The following NFIB variants were observed in gnomAD, a reference collection of about 807,000 sequenced individuals.
NFIB encodes the protein nuclear factor 1 B-type.
Under a neutral mutation model 61.5 loss-of-function variants are expected in NFIB, and 11 were observed. The ratio of observed to expected loss-of-function variants is 0.18; its 90% CI spans 0.11 to 0.30. The LOEUF is 0.30. Among genes scored for constraint, NFIB ranks in the 10% least tolerant of loss-of-function variants. The pLI, the probability that NFIB is intolerant of heterozygous loss-of-function variation, is 1.00. For synonymous variants in NFIB, 260 were observed against 216.5 expected, an observed-to-expected ratio of 1.20 and a Z score of -1.76; for missense variants, 471 against 608.9, an observed-to-expected ratio of 0.77 and a Z score of 2.38.
chr9:14,361,679 A>C (rs893012836), intron 1 of NFIB: 9 of 152,234 alleles, frequency 5.9e-5, no homozygotes, highest in African/African-American at 1.9e-4. Context: ...ATCTTTTGGA[A>C]GATTAGGATC....
intron 2 of NFIB, among the ~76,000 whole-genome samples, chr9:14,273,834 G>A (rs940395468): frequency 5.3e-5 from 8 of 152,132 alleles, no homozygotes; most frequent in African/African-American, 1.9e-4. Flanking sequence ...AAGCTGAGCT[G>A]CAAAGGAAAA....
intron 2 of NFIB, among the ~76,000 whole-genome samples, chr9:14,273,210 T>C (rs953311995): frequency 6.6e-6 from 1 of 152,166 alleles, no homozygotes; most frequent in Non-Finnish European, 1.5e-5. Context: ...TTTCCGTCTC[T>C]TTCCCCCTCA....
At chr9:14,384,536 CA>C (rs1252603033) in intron 1 of NFIB, among the ~76,000 whole-genome samples, 1 of 151,974 alleles carries the variant, frequency 6.6e-6, no homozygotes, top group Non-Finnish European at 1.5e-5. Context: ...TTCCTCCTCT[CA>C]AAAAAAGAAC....
At chr9:14,155,089 A>G (rs969160271) in intron 4 of NFIB, among the ~76,000 whole-genome samples, 9 of 152,188 alleles carry the variant, frequency 5.9e-5, no homozygotes, top group Admixed American at 3.9e-4. Flanking sequence ...TAAATAAGCT[A>G]AATCAGTGAA....
chr9:14,407,941 C>T, the NFIB span, among the ~76,000 whole-genome samples: 1 of 152,164 alleles, frequency 6.6e-6, no homozygotes, highest in South Asian at 2.1e-4. Flanking sequence ...CCCATCCTTG[C>T]CTCTCAAAGC....
chr9:14,341,322 C>T (rs2060947276), intron 1 of NFIB, among the ~76,000 whole-genome samples: 3 of 152,120 alleles, frequency 2.0e-5, no homozygotes, highest in Admixed American at 2.0e-4. Flanking sequence ...TTGAAATCTG[C>T]AATGAGAAGG....
intron 2 of NFIB, among the ~76,000 whole-genome samples, chr9:14,192,308 A>G (rs2048031929): frequency 6.6e-6 from 1 of 152,238 alleles, no homozygotes; most frequent in Non-Finnish European, 1.5e-5. Flanking sequence ...TTAAAAAATT[A>G]GTAACTCAAC....
chr9:14,516,203 G>A, the NFIB span, among the ~76,000 whole-genome samples: 1 of 152,210 alleles, frequency 6.6e-6, no homozygotes, highest in African/African-American at 2.4e-5. Context: ...ACTGGCCCTG[G>A]AAATTGCAAA....
At chr9:14,420,139 T>G in the NFIB span, among the ~76,000 whole-genome samples, 1 of 151,986 alleles carries the variant, frequency 6.6e-6, no homozygotes, top group Non-Finnish European at 1.5e-5. Flanking sequence ...TTCTCAACAC[T>G]TCAATCAACA....
At chr9:14,463,574 T>A in the NFIB span, among the ~76,000 whole-genome samples, 7 of 151,880 alleles carry the variant, frequency 4.6e-5, no homozygotes, top group Admixed American at 4.6e-4. Flanking sequence ...TTAAGTGAAT[T>A]TTCCCCACAT....
chr9:14,269,752 G>A (rs1046988700), intron 2 of NFIB, among the ~76,000 whole-genome samples: 2 of 151,962 alleles, frequency 1.3e-5, no homozygotes, highest in Non-Finnish European at 2.9e-5. Flanking sequence ...TGTGAAAAAT[G>A]ATTAAGACAC....
chr9:14,476,762 C>T, the NFIB span, among the ~76,000 whole-genome samples: 1 of 152,132 alleles, frequency 6.6e-6, no homozygotes, highest in Non-Finnish European at 1.5e-5. Flanking sequence ...GACTAAAACC[C>T]TGGGGTGAGA....
intron 10 of NFIB, among the ~76,000 whole-genome samples, chr9:14,107,741 C>A (rs1170184347): frequency 7.2e-5 from 11 of 152,092 alleles, no homozygotes; most frequent in Non-Finnish European, 1.5e-4. Flanking sequence ...TTGTTCCTTT[C>A]CTACCCTGTC....
At chr9:14,181,333 T>C (rs980370498) in intron 2 of NFIB, among the ~76,000 whole-genome samples, 1 of 152,214 alleles carries the variant, frequency 6.6e-6, no homozygotes, top group Non-Finnish European at 1.5e-5. Flanking sequence ...TGTTTCCTGA[T>C]TTTTCAAAAT....
intron 6 of NFIB, among the ~76,000 whole-genome samples, chr9:14,127,932 CAAAA>C (rs201442988): frequency 1.1e-5 from 1 of 87,226 alleles, no homozygotes; most frequent in Non-Finnish European, 2.5e-5. Flanking sequence ...ATATCTTTTT[CAAAA>C]AAAAAAAAAA....
chr9:14,504,009 G>A, the NFIB span, among the ~76,000 whole-genome samples: 1 of 152,288 alleles, frequency 6.6e-6, no homozygotes, highest in Non-Finnish European at 1.5e-5. Flanking sequence ...TAAGCTGAGA[G>A]ATGTCCAGTT....
intron 2 of NFIB, among the ~76,000 whole-genome samples, chr9:14,298,779 C>A (rs985773940): frequency 6.6e-6 from 1 of 152,174 alleles, no homozygotes; most frequent in Admixed American, 6.5e-5. Context: ...TTCCATGACC[C>A]AAACAAGTCA....
the NFIB span, among the ~76,000 whole-genome samples, chr9:14,472,907 G>A: frequency 6.6e-6 from 1 of 152,092 alleles, no homozygotes; most frequent in East Asian, 1.9e-4. Flanking sequence ...CCAAACCAAA[G>A]CTGGTTTTTC....
chr9:14,342,354 C>T (rs59050655), intron 1 of NFIB, among the ~76,000 whole-genome samples: 55,316 of 151,786 alleles, frequency 0.36, 10,191 homozygotes, highest in Middle Eastern at 0.42. Context: ...GAACTGAAAA[C>T]TGGGGCAAGT....
Sources: allele counts gnomAD v4.1 joint callset (sites outside exome capture counted in the v4.1 genomes callset), GRCh38; gene constraint gnomAD v4.1.1; transcripts MANE v1.5; gene names NCBI Gene and HGNC (gene_info 2026-07-23, HGNC 2026-07-21).